The following PCDHGA1 variants were observed in gnomAD, a reference collection of about 807,000 sequenced individuals.
The protein encoded by PCDHGA1 is protocadherin gamma subfamily A, 1.
PCDHGA1 carries 32 observed loss-of-function variants against 58.0 expected under a neutral mutation model. The observed-to-expected ratio is 0.55, with a 90% CI of 0.42 to 0.74. The LOEUF (loss-of-function observed/expected upper bound fraction) is 0.74, where lower values mean the gene tolerates loss of function less well. Among genes scored for constraint, PCDHGA1 ranks in the 30% least tolerant of loss-of-function variants. PCDHGA1 has a pLI of 0.00. For missense variants in PCDHGA1, 1,205 were observed against 1,182.3 expected, an observed-to-expected ratio of 1.02 and a Z score of -0.28; for synonymous variants, 498 against 501.1, an observed-to-expected ratio of 0.99 and a Z score of 0.08.
At chr5:141,351,887 A>C (rs778485455) in intron 1 of PCDHGA1, 1 of 1,613,388 alleles carries the variant, frequency 6.2e-7, no homozygotes, top group Admixed American at 1.7e-5. Context: ...CGCCAACGTG[A>C]GCCTGCGCGT....
At chr5:141,421,320 G>T (rs1561793188) in intron 1 of PCDHGA1, 2 of 1,613,786 alleles carry the variant, frequency 1.2e-6, no homozygotes, top group Non-Finnish European at 1.7e-6. Flanking sequence ...GGGCCAGGCA[G>T]ATCCGATATT....
At chr5:141,411,567 G>A (rs1390794685) in intron 1 of PCDHGA1, 1 of 152,186 alleles carries the variant, frequency 6.6e-6, no homozygotes, top group Non-Finnish European at 1.5e-5. Context: ...CTGGGCGACA[G>A]AGTGCGACCC....
intron 1 of PCDHGA1, among the ~76,000 whole-genome samples, chr5:141,402,262 TA>T (rs1248031439): frequency 6.6e-6 from 1 of 151,912 alleles, no homozygotes; most frequent in Non-Finnish European, 1.5e-5. Context: ...CCCCAGAAAA[TA>T]ATTTCAAAGT....
intron 1 of PCDHGA1, chr5:141,394,893 G>T: frequency 4.3e-6 from 7 of 1,613,858 alleles, no homozygotes; most frequent in Non-Finnish European, 5.9e-6. Flanking sequence ...ACTCTATCTC[G>T]TGGTGGCAGT....
chr5:141,362,191 G>T, intron 1 of PCDHGA1: 1 of 1,614,010 alleles, frequency 6.2e-7, no homozygotes. Flanking sequence ...TGACCCCCAG[G>T]CAAAACTGCA....
rs528252306 is a variant in PCDHGA1 at position 141,372,422 on chromosome 5, C to G, written c.2421+39317C>G. On this transcript the variant is annotated intron_variant, in intron 1 of 3. Coordinates refer to ENST00000517417, the MANE Select transcript of PCDHGA1 (RefSeq NM_018912.3). ...TGCAAGAGATACAACCTGACCTTAG[C>G]GACCGCCCCACTCCCTCTGACCCTC... The G allele has an allele frequency of 2.2e-5, 36 of 1,614,042 alleles. 2 individuals carry two copies. The South Asian group carries it at 3.7e-4, about 17-fold the overall frequency.
intron 1 of PCDHGA1, chr5:141,362,175 G>A (rs1354338158): frequency 1.9e-6 from 3 of 1,614,050 alleles, no homozygotes; most frequent in South Asian, 1.1e-5. Context: ...ACCGCCGGGA[G>A]CCCTCTGACC....
chr5:141,478,435 G>A, intron 1 of PCDHGA1: 1 of 1,613,736 alleles, frequency 6.2e-7, no homozygotes, highest in Non-Finnish European at 8.5e-7. Context: ...ACCCGCTGCT[G>A]AAGAAACCTG....
intron 1 of PCDHGA1, chr5:141,375,182 G>A (rs1194415432): frequency 2.5e-6 from 4 of 1,613,936 alleles, no homozygotes; most frequent in South Asian, 1.1e-5. Flanking sequence ...AACAGTAATC[G>A]CCCTTTTTCA....
chr5:141,398,890 G>A (rs763743728), intron 1 of PCDHGA1: 1 of 1,613,920 alleles, frequency 6.2e-7, no homozygotes, highest in East Asian at 2.2e-5. Context: ...TCGGGAAAAC[G>A]TGCCACCAGG....
intron 1 of PCDHGA1, chr5:141,421,220 A>T (rs1178268746): frequency 6.3e-7 from 1 of 1,575,620 alleles, no homozygotes; most frequent in East Asian, 2.3e-5. Context: ...ATCGGCTTAG[A>T]GCCTGCCATG....
At chr5:141,456,788 C>A (rs2098888156) in intron 1 of PCDHGA1, among the ~76,000 whole-genome samples, 1 of 152,088 alleles carries the variant, frequency 6.6e-6, no homozygotes, top group Admixed American at 6.5e-5. Flanking sequence ...CATGGCAAAA[C>A]CCCATCTCTA....
At chr5:141,410,913 G>GC (rs1270456210) in intron 1 of PCDHGA1, 4 of 263,626 alleles carry the variant, frequency 1.5e-5, no homozygotes, top group African/African-American at 1.1e-4. Flanking sequence ...GAGTGCAGTG[G>GC]CGTGATCTCT....
intron 1 of PCDHGA1, chr5:141,397,890 A>G: frequency 3.2e-6 from 2 of 628,782 alleles, no homozygotes; most frequent in Non-Finnish European, 5.3e-6. Context: ...GCTGTTGGCC[A>G]AAGTGCAGAG....
chr5:141,389,322 G>C lies in PCDHGA1; in HGVS notation c.2421+56217G>C, dbSNP rs752301649. ...AGTCAGGGCTTCTGATCCGGACTTG[G>C]GGCCCAACGGCCAAGTCTCTTACTG... On this transcript the variant is annotated intron_variant, in intron 1 of 3. Transcript: ENST00000517417. 2 of 1,613,984 alleles carry C rather than the reference G, an allele frequency of 1.2e-6. No homozygotes were observed. Among genetic ancestry groups the C allele is most frequent in the East Asian group, 2.2e-5 (1 of 44,880 alleles).
intron 1 of PCDHGA1, among the ~76,000 whole-genome samples, chr5:141,492,781 T>A (rs945023154): frequency 6.6e-6 from 1 of 152,194 alleles, no homozygotes; most frequent in African/African-American, 2.4e-5. Context: ...TGAGTGAGCC[T>A]CTATAGGACA....
At chr5:141,338,029 A>T (rs776426902) in intron 1 of PCDHGA1, among the ~76,000 whole-genome samples, 1 of 152,024 alleles carries the variant, frequency 6.6e-6, no homozygotes, top group Admixed American at 6.6e-5. Context: ...TCTTGATTCA[A>T]TCCTACTTTT....
intron 1 of PCDHGA1, among the ~76,000 whole-genome samples, chr5:141,455,830 C>T (rs928219545): frequency 2.0e-5 from 3 of 151,170 alleles, no homozygotes; most frequent in African/African-American, 7.3e-5. Flanking sequence ...GACCCCTTTT[C>T]CTGTCTATCT....
chr5:141,356,684 C>A (rs775190688), intron 1 of PCDHGA1: 9 of 1,613,874 alleles, frequency 5.6e-6, no homozygotes, highest in Non-Finnish European at 7.6e-6. Context: ...GCCGAAGACA[C>A]CTTCCAGGGT....
Sources: allele counts gnomAD v4.1 joint callset (sites outside exome capture counted in the v4.1 genomes callset), GRCh38; gene constraint gnomAD v4.1.1; transcripts MANE v1.5; gene names NCBI Gene and HGNC (gene_info 2026-07-23, HGNC 2026-07-21).